Variants in MICAL3 observed in about 807,000 individuals in gnomAD.
The protein encoded by MICAL3 is microtubule associated monooxygenase, calponin and LIM domain containing 3.
A neutral mutation model predicts 207.4 loss-of-function variants in MICAL3; 62 were observed. The ratio of observed to expected loss-of-function variants is 0.30; its 90% CI spans 0.24 to 0.37. The LOEUF (loss-of-function observed/expected upper bound fraction) is 0.37. Among genes scored for constraint, MICAL3 ranks in the 10% least tolerant of loss-of-function variants. The pLI is 1.00. For synonymous variants in MICAL3, 1,077 were observed against 1,069.3 expected (o/e 1.01, Z -0.14); for missense variants, 2,368 against 2,635.6 (o/e 0.90, Z 2.22).
intron 1 of MICAL3, among the ~76,000 whole-genome samples, chr22:18,000,702 G>T (rs967240850): frequency 6.6e-6 from 1 of 152,246 alleles, no homozygotes; most frequent in Non-Finnish European, 1.5e-5. Context: ...CCAGGGAAGG[G>T]GCATCACTGA....
intron 28 of MICAL3, 25 bp from the exon 29 acceptor site, chr22:17,808,962 C>A: frequency 6.5e-7 from 1 of 1,536,898 alleles, no homozygotes; most frequent in Non-Finnish European, 8.8e-7. Context: ...ACAGACTGAG[C>A]ACCCGGCTCT....
chr22:17,884,051 TCTCC>T lies in MICAL3; in HGVS notation c.2241+1823_2241+1826del, dbSNP rs1224354845. On this transcript the variant is annotated intron_variant, in intron 16 of 31. Coordinates refer to ENST00000441493, the MANE Select transcript of MICAL3 (RefSeq NM_015241.3). ...AGCGAGTTTCAAACCAAATCAACAG[TCTCC>T]CTTTTAACTTTCTCAAATCCCCAGG... 2.0e-5 allele frequency among the ~76,000 whole-genome samples: 3 copies of T among 152,242 alleles called. No individual in the cohort carries two copies. The East Asian group carries it at 5.8e-4, about 29-fold the overall frequency.
chr22:17,834,553 CAAAAAATAAAGATAAAA>C, intron 20 of MICAL3: 1 of 1,153,778 alleles, frequency 8.7e-7, no homozygotes, highest in South Asian at 1.6e-5. Context: ...CCAGTCTCTA[CAAAAAATAAAGATAAAA>C]ATAAATTAAA....
intron 29 of MICAL3, among the ~76,000 whole-genome samples, chr22:17,801,849 G>A (rs138588171): frequency 2.6e-5 from 4 of 151,962 alleles, no homozygotes; most frequent in East Asian, 1.9e-4. Flanking sequence ...AGCCAAAATC[G>A]CGCCACTGCA....
At chr22:17,924,475 A>C (rs985213270) in intron 1 of MICAL3, among the ~76,000 whole-genome samples, 3 of 152,214 alleles carry the variant, frequency 2.0e-5, no homozygotes, top group African/African-American at 7.2e-5. Flanking sequence ...AAATCTGTAA[A>C]TCCAAAACTG....
At position 17,790,789 on chromosome 22, in the gene MICAL3, C is replaced by T; in HGVS notation, c.5952G>A (p.Glu1984=). 6.2e-7 allele frequency: 1 copy of T among 1,612,944 alleles called. No homozygotes were observed. The highest frequency in any genetic ancestry group is 8.5e-7 in the Non-Finnish European group (1 of 1,179,566). Residue 1984 remains glutamate, a synonymous_variant, in exon 32 of 32, where the codon GAG becomes GAA. Transcript: ENST00000441493. ...GCATGGCAGCCTCCAGGTCCTTGTCCTCCTCTCTCTCCCGGAGCCGCTGCT... is the reference window on the plus strand; with the variant it reads ...GCATGGCAGCCTCCAGGTCCTTGTCTTCCTCTCTCTCCCGGAGCCGCTGCT... The part of the protein sequence containing the change: ...LEEQRLRERE[E]DKDLEAAMLS...
At chr22:18,016,909 C>G (rs181470850) in intron 1 of MICAL3, among the ~76,000 whole-genome samples, 1 of 151,352 alleles carries the variant, frequency 6.6e-6, no homozygotes, top group African/African-American at 2.4e-5. Context: ...CACTGCACTC[C>G]GGCCTGGGTG....
At chr22:17,987,643 T>A (rs957569740) in intron 1 of MICAL3, among the ~76,000 whole-genome samples, 4 of 152,132 alleles carry the variant, frequency 2.6e-5, no homozygotes, top group Non-Finnish European at 5.9e-5. Context: ...GCAAGAGCAA[T>A]TGGAGAGATG....
intron 1 of MICAL3, among the ~76,000 whole-genome samples, chr22:17,982,113 A>G (rs1602343347): frequency 2.5e-5 from 2 of 79,660 alleles, no homozygotes; most frequent in East Asian, 4.3e-4. Flanking sequence ...TCAAAAAATA[A>G]AAAAAAAAAA....
At chr22:17,846,762 G>C (rs1054472942) in intron 19 of MICAL3, among the ~76,000 whole-genome samples, 4 of 152,210 alleles carry the variant, frequency 2.6e-5, no homozygotes, top group African/African-American at 9.6e-5. Context: ...CGGGATGAAA[G>C]ATCTGCAATA....
intron 1 of MICAL3, among the ~76,000 whole-genome samples, chr22:17,992,646 G>A (rs1040705739): frequency 6.6e-6 from 1 of 152,088 alleles, no homozygotes; most frequent in Non-Finnish European, 1.5e-5. Flanking sequence ...TGAGGCCCAG[G>A]GGCTTGTTTG....
intron 1 of MICAL3, among the ~76,000 whole-genome samples, chr22:17,907,372 C>T (rs915636798): frequency 1.3e-5 from 2 of 152,150 alleles, no homozygotes; most frequent in African/African-American, 4.8e-5. Context: ...AAGGATAACT[C>T]CCAGGTTTCC....
At chr22:17,932,820 C>A (rs929570160) in intron 1 of MICAL3, among the ~76,000 whole-genome samples, 1 of 152,124 alleles carries the variant, frequency 6.6e-6, no homozygotes, top group African/African-American at 2.4e-5. Flanking sequence ...AGGTTGCAAT[C>A]CTAGTCTCTG....
chr22:17,959,298 A>T (rs1934786473), intron 1 of MICAL3, among the ~76,000 whole-genome samples: 1 of 150,904 alleles, frequency 6.6e-6, no homozygotes, highest in African/African-American at 2.4e-5. Context: ...TACAGGTGTG[A>T]GCCACCGTGC....
intron 1 of MICAL3, among the ~76,000 whole-genome samples, chr22:17,923,747 T>C (rs1019040588): frequency 6.6e-6 from 1 of 152,256 alleles, no homozygotes; most frequent in Non-Finnish European, 1.5e-5. Context: ...AACCCCAGTG[T>C]TCCCTAAGGG....
Position 17,896,858 on chromosome 22 carries a change from T to C in MICAL3, c.1072A>G (p.Ile358Val). 2 of 1,614,164 alleles carry C rather than the reference T, an allele frequency of 1.2e-6. No homozygotes were observed. The highest frequency in any genetic ancestry group is 1.1e-5 in the South Asian group (1 of 91,078). ...ACATCGGGCTGCCCATAGTGATTGA[T>C]GGCAAAATCCAGAGACGGCAGCTGC... ...QQQLPSLDFAINHYGQPDVAM... is the reference protein window; with the variant it reads ...QQQLPSLDFAVNHYGQPDVAM... The change falls in exon 8 of 32, where the codon ATC (isoleucine) becomes GTC (valine). Residue 358 changes from isoleucine (I) to valine (V), a missense_variant. Around this residue, in one of 4 missense-constraint regions of MICAL3, gnomAD observed 400 missense variants for 547.0 expected, o/e 0.73. Coordinates refer to ENST00000441493, the MANE Select transcript of MICAL3 (RefSeq NM_015241.3).
At chr22:17,861,214 C>T (rs1396299799) in intron 19 of MICAL3, 9 of 985,390 alleles carry the variant, frequency 9.1e-6, no homozygotes, top group Non-Finnish European at 1.1e-5. Flanking sequence ...GCCTGGCTAC[C>T]CTTCTAGCTG....
chr22:17,918,767 G>A (rs971266287), intron 1 of MICAL3, among the ~76,000 whole-genome samples: 8 of 151,918 alleles, frequency 5.3e-5, no homozygotes, highest in Non-Finnish European at 8.8e-5. Context: ...CTCAGCCTCC[G>A]CATCTGCAGC....
chr22:17,851,317 G>A (rs1283800365), intron 19 of MICAL3, among the ~76,000 whole-genome samples: 2 of 152,130 alleles, frequency 1.3e-5, no homozygotes, highest in Admixed American at 1.3e-4. Context: ...TACTTCTGCC[G>A]TCGTTACCCG....
Sources: allele counts gnomAD v4.1 joint callset (sites outside exome capture counted in the v4.1 genomes callset), GRCh38; gene constraint gnomAD v4.1.1; regional missense constraint gnomAD v4.1.1; transcripts MANE v1.5; gene names NCBI Gene and HGNC (gene_info 2026-07-23, HGNC 2026-07-21).